The following DOK5 variants were observed in gnomAD, a reference collection of about 807,000 sequenced individuals.
DOK5 encodes the protein docking protein 5, also known as downstream of tyrosine kinase 5.
Under a neutral mutation model 43.3 loss-of-function variants are expected in DOK5, and 27 were observed. The ratio of observed to expected loss-of-function variants is 0.62; its 90% CI spans 0.46 to 0.86. The LOEUF (loss-of-function observed/expected upper bound fraction) is 0.86. Among genes scored for constraint, DOK5 ranks in the 40% least tolerant of loss-of-function variants. The pLI is 0.00. For synonymous variants in DOK5, 146 were observed against 140.1 expected, an observed-to-expected ratio of 1.04 and a Z score of -0.30; for missense variants, 373 against 392.9, an observed-to-expected ratio of 0.95 and a Z score of 0.43.
chr20:54,588,735 G>T lies in DOK5; in HGVS notation c.338G>T (p.Gly113Val). Residue 113 changes from glycine to valine, a missense_variant, in exon 4 of 8, where the codon GGA (glycine) becomes GTA (valine). Gly to Val is a moderately radical substitution (Grantham distance 109, BLOSUM62 -3). Coordinates refer to ENST00000262593, the MANE Select transcript of DOK5 (RefSeq NM_018431.5). Reference protein sequence around the residue: ...WCKVLQMECVGTRINDISLGE... With the variant: ...WCKVLQMECVVTRINDISLGE... Reference sequence around the variant, plus strand: ...AAAGTACTCCAGATGGAGTGTGTAGGAACACGGATCAATGACATCAGCCTT... The same window carrying T: ...AAAGTACTCCAGATGGAGTGTGTAGTAACACGGATCAATGACATCAGCCTT... 6.2e-7 allele frequency: 1 copy of T among 1,614,086 alleles called. No individual in the cohort carries two copies. The highest frequency in any genetic ancestry group is 1.1e-5 in the South Asian group (1 of 91,082).
Position 54,475,976 on chromosome 20 carries a change from G to A in DOK5, c.30G>A (p.Lys10=), listed in dbSNP as rs145031079. The change falls in exon 1 of 8, where the codon AAG becomes AAA. Residue 10 remains lysine (K), a synonymous_variant. Coordinates refer to ENST00000262593, the MANE Select transcript of DOK5 (RefSeq NM_018431.5). This position sits in a 1 kb window ranked among gnomAD's most constrained non-coding sequence, Gnocchi z 4.2. ...CTTCCAATTTTAATGACATAGTGAA[G>A]CAAGGGTACGTGAGGATCCGGAGCA... The part of the protein sequence containing the change: MASNFNDIV[K]QGYVRIRSRR... 2.3e-3 allele frequency: 3,695 copies of A among 1,613,530 alleles called. 6 individuals are homozygous for A. The highest frequency in any genetic ancestry group is 2.9e-3 in the Non-Finnish European group (3,427 of 1,179,940).
intron 2 of DOK5, among the ~76,000 whole-genome samples, chr20:54,562,012 A>T (rs773101572): frequency 6.6e-6 from 1 of 152,200 alleles, no homozygotes; most frequent in African/African-American, 2.4e-5. Context: ...AGTCCTAGCT[A>T]TTAGAGATGT....
intron 2 of DOK5, among the ~76,000 whole-genome samples, chr20:54,563,607 C>T (rs1203219242): frequency 1.3e-5 from 2 of 150,726 alleles, no homozygotes; most frequent in South Asian, 2.1e-4. Flanking sequence ...ATATCAGTCT[C>T]AGTTGTTAAC....
rs1243161532 is a variant in DOK5, at chr20:54,650,695, A to G, written c.*216A>G. 2.3e-6 allele frequency: 1 copy of G among 442,658 alleles called. No individual in the cohort carries two copies. The highest frequency in any genetic ancestry group is 4.0e-6 in the Non-Finnish European group (1 of 250,784). 27.4% of individuals were successfully genotyped at this position (442,658 alleles called of 1,614,324 possible). ...AGTGTAATTGAAACGTGCTCTATAG[A>G]TATTGACTCTGTGTTCCCTCTTTTA... On this transcript the variant is annotated 3_prime_UTR_variant, in exon 8 of 8. Transcript: ENST00000262593.
chr20:54,565,876 G>T (rs1170548062), intron 2 of DOK5, among the ~76,000 whole-genome samples: 1 of 151,892 alleles, frequency 6.6e-6, no homozygotes, highest in Non-Finnish European at 1.5e-5. Context: ...AAATTAGCCG[G>T]GCGTGGTGGT....
chr20:54,547,334 AG>A (rs1984383470), intron 1 of DOK5, among the ~76,000 whole-genome samples: 2 of 152,210 alleles, frequency 1.3e-5, no homozygotes, highest in Admixed American at 1.3e-4. Flanking sequence ...AAACAGCCCC[AG>A]GCAGTGTACT....
intron 6 of DOK5, among the ~76,000 whole-genome samples, chr20:54,612,914 T>G (rs1238379305): frequency 2.6e-5 from 4 of 152,216 alleles, no homozygotes; most frequent in Non-Finnish European, 4.4e-5. Context: ...AGCTCCAGTT[T>G]TCTCCTTTGT....
chr20:54,579,160 T>C (rs895792815), intron 2 of DOK5, among the ~76,000 whole-genome samples: 5 of 152,196 alleles, frequency 3.3e-5, no homozygotes, highest in Non-Finnish European at 7.4e-5. Flanking sequence ...TTACGAATAT[T>C]TTGTTTTAAA....
chr20:54,537,459 T>C (rs765372412), intron 1 of DOK5, among the ~76,000 whole-genome samples: 1 of 152,174 alleles, frequency 6.6e-6, no homozygotes, highest in South Asian at 2.1e-4. Flanking sequence ...ACAAACTTGC[T>C]TGAAGCATGA....
At chr20:54,594,657 C>T (rs1226089446) in intron 5 of DOK5, among the ~76,000 whole-genome samples, 1 of 151,952 alleles carries the variant, frequency 6.6e-6, no homozygotes, top group Non-Finnish European at 1.5e-5. Flanking sequence ...AGCACTTATT[C>T]AATTATTAAT....
intron 5 of DOK5, among the ~76,000 whole-genome samples, chr20:54,606,285 A>T (rs992476303): frequency 6.6e-6 from 1 of 152,090 alleles, no homozygotes; most frequent in Non-Finnish European, 1.5e-5. Flanking sequence ...TTTTTTTTTA[A>T]CCTTCTCTGG....
At chr20:54,568,568 G>A (rs1302933909) in intron 2 of DOK5, among the ~76,000 whole-genome samples, 1 of 152,076 alleles carries the variant, frequency 6.6e-6, no homozygotes, top group Non-Finnish European at 1.5e-5. Flanking sequence ...TTTTTTTGCA[G>A]ATTTATTTTT....
intron 4 of DOK5, among the ~76,000 whole-genome samples, chr20:54,591,276 GA>G (rs917112053): frequency 3.9e-4 from 58 of 150,636 alleles, no homozygotes; most frequent in East Asian, 7.8e-4. Context: ...TTCTTGGCAG[GA>G]AAAAAAAATT....
At chr20:54,534,055 A>C (rs1983869375) in intron 1 of DOK5, among the ~76,000 whole-genome samples, 1 of 152,278 alleles carries the variant, frequency 6.6e-6, no homozygotes, top group Admixed American at 6.5e-5. Flanking sequence ...CAAAAAGAAA[A>C]TAGCCAGTAT....
intron 2 of DOK5, among the ~76,000 whole-genome samples, chr20:54,556,484 A>T (rs1046531865): frequency 3.3e-5 from 5 of 152,216 alleles, no homozygotes; most frequent in Admixed American, 1.3e-4. Context: ...CACTTTTATA[A>T]CACTCTAAAC....
intron 1 of DOK5, among the ~76,000 whole-genome samples, chr20:54,554,505 T>G (rs1984643805): frequency 2.0e-5 from 3 of 152,200 alleles, no homozygotes; most frequent in African/African-American, 7.2e-5. Flanking sequence ...ATGAGGAATA[T>G]CACGACAACC....
intron 6 of DOK5, among the ~76,000 whole-genome samples, chr20:54,635,856 A>G (rs1978799251): frequency 6.6e-6 from 1 of 152,218 alleles, no homozygotes; most frequent in African/African-American, 2.4e-5. Context: ...GGGACATTTT[A>G]TGTAAATGGA....
chr20:54,575,704 G>T (rs1416798573), intron 2 of DOK5, among the ~76,000 whole-genome samples: 1 of 152,218 alleles, frequency 6.6e-6, no homozygotes. Context: ...GCCTCCCAAG[G>T]TGCTGGGATT....
intron 5 of DOK5, among the ~76,000 whole-genome samples, chr20:54,606,467 A>G (rs1189430159): frequency 1.3e-5 from 2 of 152,248 alleles, no homozygotes; most frequent in Non-Finnish European, 2.9e-5. Context: ...GGGTAAACCC[A>G]TTAGAACATC....
Sources: allele counts gnomAD v4.1 joint callset (sites outside exome capture counted in the v4.1 genomes callset), GRCh38; gene constraint gnomAD v4.1.1; non-coding constraint Gnocchi (gnomAD v3.1); transcripts MANE v1.5; gene names NCBI Gene and HGNC (gene_info 2026-07-23, HGNC 2026-07-21).